The following KCNMA1 variants were observed in gnomAD, a reference collection of about 807,000 sequenced individuals.
KCNMA1 encodes potassium calcium-activated channel subfamily M alpha 1.
KCNMA1 carries 29 observed loss-of-function variants against 140.0 expected under a neutral mutation model. That is an observed-to-expected ratio of 0.21 (90% CI 0.15 to 0.28). KCNMA1 has a LOEUF of 0.28. Among genes scored for constraint, KCNMA1 ranks in the 10% least tolerant of loss-of-function variants. The pLI is 1.00. For missense variants in KCNMA1, 880 were observed against 1,602.2 expected, an observed-to-expected ratio of 0.55 and a Z score of 7.70; for synonymous variants, 612 against 611.9, an observed-to-expected ratio of 1.00 and a Z score of 0.00.
At chr10:77,595,872 G>A (rs1159412779) in intron 1 of KCNMA1, among the ~76,000 whole-genome samples, 2 of 152,108 alleles carry the variant, frequency 1.3e-5, no homozygotes, top group African/African-American at 2.4e-5. Flanking sequence ...GGCTGGTCTC[G>A]AACTCCTGAC....
intron 19 of KCNMA1, among the ~76,000 whole-genome samples, chr10:76,991,696 C>T (rs1873692): frequency 0.47 from 70,781 of 151,924 alleles, 17,158 homozygotes; most frequent in Middle Eastern, 0.57. Context: ...TATTCAAGTA[C>T]TCTTGCCAAT....
intron 1 of KCNMA1, among the ~76,000 whole-genome samples, chr10:77,606,459 A>G (rs1435842275): frequency 1.3e-5 from 2 of 152,124 alleles, no homozygotes; most frequent in East Asian, 3.9e-4. Flanking sequence ...ATAATTAAAA[A>G]ATTAGCTGGG....
chr10:77,504,811 A>G (rs984922592), intron 1 of KCNMA1, among the ~76,000 whole-genome samples: 2 of 152,194 alleles, frequency 1.3e-5, no homozygotes, highest in Admixed American at 6.5e-5. Flanking sequence ...ATATGTATGC[A>G]TATTTTATTC....
chr10:77,413,190 C>T (rs1297952526), intron 1 of KCNMA1, among the ~76,000 whole-genome samples: 1 of 152,158 alleles, frequency 6.6e-6, no homozygotes, highest in East Asian at 1.9e-4. Flanking sequence ...TGCTTTGTTT[C>T]ATGACAATAA....
rs1358440354 is a variant in KCNMA1, at chr10:77,112,930, TAAG to T, written c.885-491_885-489del. Among the ~76,000 whole-genome samples the T allele has an allele frequency of 2.6e-5, 4 of 152,186 alleles. No individual in the cohort carries two copies. In the East Asian group the frequency reaches 7.7e-4, roughly 29 times the overall value. ...CCTAAATACTTTAGCACCCAACTCC[TAAG>T]AAGAAGGGCATTGCACAGCATAATC... On this transcript the variant is annotated intron_variant, in intron 6 of 27. Transcript: ENST00000286628.
At chr10:77,443,521 C>A (rs976051774) in intron 1 of KCNMA1, among the ~76,000 whole-genome samples, 1 of 152,080 alleles carries the variant, frequency 6.6e-6, no homozygotes, top group Non-Finnish European at 1.5e-5. Flanking sequence ...GAGACCCCAG[C>A]ACACGAGGAA....
rs574155225 is a variant in KCNMA1 at position 77,233,633 on chromosome 10, G to C, written c.602+17562C>G. 2.0e-5 allele frequency among the ~76,000 whole-genome samples: 3 copies of C among 152,184 alleles called. No homozygotes were observed. In the East Asian group the frequency reaches 5.8e-4, roughly 29 times the overall value. The stretch of plus-strand genomic sequence containing the variant: ...TGCTAAGGGCCAGGAGGTTTGCTGG[G>C]CTCCTTAAAGTTATCTACTGGGAAA... On this transcript the variant is annotated intron_variant, in intron 3 of 27. Coordinates refer to ENST00000286628, the MANE Select transcript of KCNMA1 (RefSeq NM_001161352.2).
At chr10:77,578,670 T>C (rs2074995109) in intron 1 of KCNMA1, among the ~76,000 whole-genome samples, 1 of 152,134 alleles carries the variant, frequency 6.6e-6, no homozygotes, top group Non-Finnish European at 1.5e-5. Flanking sequence ...CTCCAGAGTA[T>C]CCAGCCGCCA....
At chr10:77,234,219 T>G (rs2054618115) in intron 3 of KCNMA1, among the ~76,000 whole-genome samples, 1 of 152,220 alleles carries the variant, frequency 6.6e-6, no homozygotes, top group African/African-American at 2.4e-5. Context: ...CCAATGTTTT[T>G]ATATTATGCC....
At chr10:77,377,859 G>A (rs946629632) in intron 2 of KCNMA1, among the ~76,000 whole-genome samples, 2 of 152,208 alleles carry the variant, frequency 1.3e-5, no homozygotes, top group Non-Finnish European at 2.9e-5. Context: ...ACAGTGCCTA[G>A]CTCCTAGTCT....
chr10:77,174,468 T>C (rs906953295), intron 5 of KCNMA1, among the ~76,000 whole-genome samples: 2 of 152,218 alleles, frequency 1.3e-5, no homozygotes, highest in Non-Finnish European at 2.9e-5. Flanking sequence ...TGATGGAATG[T>C]TCCACATCTG....
chr10:77,195,450 G>A (rs1177898635), intron 3 of KCNMA1, among the ~76,000 whole-genome samples: 2 of 152,044 alleles, frequency 1.3e-5, no homozygotes, highest in African/African-American at 2.4e-5. Flanking sequence ...AGGGAAAATG[G>A]CAATGACTTA....
chr10:77,094,248 T>G (rs1225292513), intron 9 of KCNMA1, among the ~76,000 whole-genome samples: 1 of 152,206 alleles, frequency 6.6e-6, no homozygotes. Flanking sequence ...AACTCTTTCC[T>G]TAAGTCATAT....
At chr10:77,227,823 C>T (rs545546664) in intron 3 of KCNMA1, among the ~76,000 whole-genome samples, 1 of 152,138 alleles carries the variant, frequency 6.6e-6, no homozygotes, top group African/African-American at 2.4e-5. Flanking sequence ...AAGCAAGATA[C>T]TTTAGCCTCT....
intron 3 of KCNMA1, among the ~76,000 whole-genome samples, chr10:77,199,877 G>A (rs2041904894): frequency 6.6e-6 from 1 of 152,174 alleles, no homozygotes; most frequent in African/African-American, 2.4e-5. Context: ...AAGCATCTGT[G>A]TGCCCTGGAA....
intron 1 of KCNMA1, among the ~76,000 whole-genome samples, chr10:77,434,295 C>G (rs530040597): frequency 5.9e-5 from 9 of 152,214 alleles, no homozygotes; most frequent in Non-Finnish European, 1.3e-4. Flanking sequence ...CCAGAACAGG[C>G]ATTCTTCCTG....
At chr10:76,928,156 G>C (rs1256946707) in intron 23 of KCNMA1, among the ~76,000 whole-genome samples, 1 of 151,968 alleles carries the variant, frequency 6.6e-6, no homozygotes, top group Non-Finnish European at 1.5e-5. Context: ...TATGTTATTT[G>C]AATTAATCTC....
At chr10:77,387,937 G>A (rs781502495) in intron 2 of KCNMA1, among the ~76,000 whole-genome samples, 19 of 152,262 alleles carry the variant, frequency 1.2e-4, no homozygotes, top group Non-Finnish European at 2.4e-4. Context: ...CTTTAGAGCA[G>A]AGCCATTATG....
intron 20 of KCNMA1, among the ~76,000 whole-genome samples, chr10:76,954,269 G>GCACA (rs10663230): frequency 0.019 from 2,619 of 141,146 alleles, 50 homozygotes; most frequent in African/African-American, 0.051. Context: ...TCCCCAGCGT[G>GCACA]CACACACACA....
Sources: gnomAD v4.1 joint callset for allele counts (sites outside exome capture counted in the v4.1 genomes callset) on GRCh38, gnomAD v4.1.1 for gene constraint, MANE v1.5 for transcripts, NCBI Gene and HGNC (gene_info 2026-07-23, HGNC 2026-07-21) for gene names.